Variants in AGBL4 observed in about 807,000 individuals in gnomAD.
AGBL4 encodes cytosolic carboxypeptidase 6.
AGBL4 carries 58 observed loss-of-function variants against 66.4 expected under a neutral mutation model. The ratio of observed to expected loss-of-function variants is 0.87; its 90% CI spans 0.71 to 1.09. The LOEUF (loss-of-function observed/expected upper bound fraction) is 1.09, where lower values mean the gene tolerates loss of function less well. Ranked by LOEUF, AGBL4 falls within the 50% of genes least tolerant of loss-of-function variation. The pLI is 0.00. For synonymous variants in AGBL4, 234 were observed against 222.9 expected, an observed-to-expected ratio of 1.05 and a Z score of -0.44; for missense variants, 579 against 631.0, an observed-to-expected ratio of 0.92 and a Z score of 0.88.
intron 3 of AGBL4, among the ~76,000 whole-genome samples, chr1:49,628,200 T>G (rs1645501133): frequency 6.6e-6 from 1 of 152,152 alleles, no homozygotes; most frequent in Admixed American, 6.6e-5. Flanking sequence ...TATGTAGTGA[T>G]TCTCCTTTTG....
At chr1:49,002,253 A>G (rs1445329275) in intron 5 of AGBL4, among the ~76,000 whole-genome samples, 1 of 152,182 alleles carries the variant, frequency 6.6e-6, no homozygotes, top group Non-Finnish European at 1.5e-5. Flanking sequence ...TATTTGATCT[A>G]GATCTTGAAT....
chr1:49,235,075 A>T (rs1402576695), intron 4 of AGBL4, among the ~76,000 whole-genome samples: 3 of 152,126 alleles, frequency 2.0e-5, no homozygotes, highest in African/African-American at 7.2e-5. Context: ...TGGGTTCAAA[A>T]CTCATTCTTG....
intron 6 of AGBL4, among the ~76,000 whole-genome samples, chr1:48,717,514 A>C (rs1647071878): frequency 6.6e-6 from 1 of 152,088 alleles, no homozygotes; most frequent in Non-Finnish European, 1.5e-5. Context: ...ATGAAAGTCA[A>C]TGTGTGTGCG....
At chr1:49,635,558 T>A (rs1352840554) in intron 3 of AGBL4, among the ~76,000 whole-genome samples, 1 of 152,176 alleles carries the variant, frequency 6.6e-6, no homozygotes, top group Non-Finnish European at 1.5e-5. Flanking sequence ...GGCAGACTAC[T>A]TAATTTTTAA....
chr1:49,926,941 G>T (rs1022918057), intron 1 of AGBL4, among the ~76,000 whole-genome samples: 1 of 152,168 alleles, frequency 6.6e-6, no homozygotes, highest in Non-Finnish European at 1.5e-5. Context: ...CCATCTGCAA[G>T]CTGAGGAGCA....
chr1:48,638,116 A>G (rs1158469017), intron 8 of AGBL4, among the ~76,000 whole-genome samples: 1 of 152,206 alleles, frequency 6.6e-6, no homozygotes, highest in African/African-American at 2.4e-5. Context: ...GGATACCTCT[A>G]TGACCTAAAA....
At chr1:49,687,267 T>C (rs921666031) in intron 3 of AGBL4, among the ~76,000 whole-genome samples, 2 of 152,124 alleles carry the variant, frequency 1.3e-5, no homozygotes, top group Non-Finnish European at 2.9e-5. Flanking sequence ...CCAAACAATA[T>C]ATGTAAATAG....
In AGBL4 at chr1:48,747,567, G is replaced by T. The variant is rs12082281; in HGVS notation, c.635-84326C>A. ...AGCATACAAATAACTCTGATTTAACGGATAAGCAATAGATTTAGTGTTAGA... is the reference window on the plus strand; with the variant it reads ...AGCATACAAATAACTCTGATTTAACTGATAAGCAATAGATTTAGTGTTAGA... On this transcript the variant is annotated intron_variant, in intron 6 of 13. Transcript: ENST00000371839. Among the ~76,000 whole-genome samples, 3 of 152,118 alleles carry T rather than the reference G, an allele frequency of 2.0e-5. No individual in the cohort carries two copies. The East Asian group carries it at 5.8e-4, about 29-fold the overall frequency.
chr1:49,462,488 C>T (rs750524740), intron 3 of AGBL4, among the ~76,000 whole-genome samples: 34 of 151,546 alleles, frequency 2.2e-4, no homozygotes, highest in Non-Finnish European at 4.4e-4. Context: ...GTTGGTGTAT[C>T]CTTAGAAAAA....
chr1:49,591,222 A>G, intron 3 of AGBL4, among the ~76,000 whole-genome samples: 1 of 152,030 alleles, frequency 6.6e-6, no homozygotes, highest in East Asian at 1.9e-4. Flanking sequence ...CAATGAAACC[A>G]AAAGTTGTTT....
At chr1:49,937,218 C>A (rs1162164769) in intron 1 of AGBL4, among the ~76,000 whole-genome samples, 1 of 151,928 alleles carries the variant, frequency 6.6e-6, no homozygotes, top group Non-Finnish European at 1.5e-5. Context: ...GACATTAAAC[C>A]AACAAAGATC....
At position 49,470,666 on chromosome 1, in the gene AGBL4, A is replaced by G. The variant is rs149609495; in HGVS notation, c.283-224802T>C. On this transcript the variant is annotated intron_variant, in intron 3 of 13. Transcript: ENST00000371839. ...GTTTACCATTGCCATGGCAACACCCAAAAGTTACTACCCCTTCCCATGGCA... is the reference window on the plus strand; with the variant it reads ...GTTTACCATTGCCATGGCAACACCCGAAAGTTACTACCCCTTCCCATGGCA... 8.5e-3 allele frequency among the ~76,000 whole-genome samples: 1,297 copies of G among 152,090 alleles called. 19 individuals are homozygous for G. The highest frequency in any genetic ancestry group is 0.03 in the African/African-American group (1,227 of 41,548).
chr1:49,983,924 G>A (rs185644697), intron 1 of AGBL4, among the ~76,000 whole-genome samples: 16 of 152,272 alleles, frequency 1.1e-4, no homozygotes, highest in Admixed American at 7.2e-4. Flanking sequence ...CAGCCATGAC[G>A]GGACAGGTCC....
At chr1:49,748,375 T>A (rs1281332880) in intron 2 of AGBL4, among the ~76,000 whole-genome samples, 2 of 152,206 alleles carry the variant, frequency 1.3e-5, no homozygotes, top group Non-Finnish European at 2.9e-5. Context: ...TATTCCATGA[T>A]GTATATGTGC....
chr1:50,023,140 G>A (rs1031140743), intron 1 of AGBL4, among the ~76,000 whole-genome samples: 1 of 152,144 alleles, frequency 6.6e-6, no homozygotes, highest in African/African-American at 2.4e-5. Context: ...CTAAAGGACT[G>A]GGGCTCCGGG....
intron 1 of AGBL4, among the ~76,000 whole-genome samples, chr1:49,947,267 CT>C (rs1557606285): frequency 6.6e-6 from 1 of 151,918 alleles, no homozygotes; most frequent in Admixed American, 6.6e-5. Context: ...ACTAATACCC[CT>C]AATGAACATA....
rs149946125 is a variant in AGBL4, at chr1:48,840,676, G to T, written c.634+26515C>A. 2.1e-3 allele frequency among the ~76,000 whole-genome samples: 327 copies of T among 152,276 alleles called. 3 individuals carry two copies. Among genetic ancestry groups the T allele is most frequent in the African/African-American group, 7.6e-3 (316 of 41,560 alleles). ...GTAACCAGAAATCTCAAATATTGCT[G>T]CTAGGAATGAAAATTGGTACAGCTT... On this transcript the variant is annotated intron_variant, in intron 6 of 13. Coordinates refer to ENST00000371839, the MANE Select transcript of AGBL4 (RefSeq NM_032785.4).
chr1:49,090,651 A>G (rs1285053904), intron 4 of AGBL4, among the ~76,000 whole-genome samples: 1 of 152,136 alleles, frequency 6.6e-6, no homozygotes, highest in Non-Finnish European at 1.5e-5. Flanking sequence ...TGTTAAAGTG[A>G]CCATACTGCC....
intron 6 of AGBL4, among the ~76,000 whole-genome samples, chr1:48,751,053 T>G (rs565709893): frequency 6.6e-6 from 1 of 152,272 alleles, no homozygotes; most frequent in Non-Finnish European, 1.5e-5. Flanking sequence ...ATCCTATATA[T>G]TCTGATTCCA....
Sources: allele counts gnomAD v4.1 joint callset (sites outside exome capture counted in the v4.1 genomes callset), GRCh38; gene constraint gnomAD v4.1.1; transcripts MANE v1.5; gene names NCBI Gene and HGNC (gene_info 2026-07-23, HGNC 2026-07-21).